LRRC4C: variants seen among roughly 807,000 people sequenced by gnomAD.
The protein encoded by LRRC4C is leucine rich repeat containing 4C, also known as leucine-rich repeat-containing protein 4C.
A neutral mutation model predicts 33.6 loss-of-function variants in LRRC4C; 5 were observed. The ratio of observed to expected loss-of-function variants is 0.15; its 90% CI spans 0.08 to 0.31. The LOEUF is 0.31. Ranked by LOEUF, LRRC4C falls within the 10% of genes least tolerant of loss-of-function variation. LRRC4C has a pLI of 1.00. For synonymous variants in LRRC4C, 329 were observed against 302.0 expected, an observed-to-expected ratio of 1.09 and a Z score of -0.93; for missense variants, 560 against 796.7, an observed-to-expected ratio of 0.70 and a Z score of 3.58.
intron 1 of LRRC4C, among the ~76,000 whole-genome samples, chr11:41,104,171 G>A (rs746630387): frequency 4.6e-5 from 7 of 151,640 alleles, no homozygotes; most frequent in Non-Finnish European, 7.4e-5. Context: ...ATGAAAGGTT[G>A]GCAACAGGAG....
intron 2 of LRRC4C, among the ~76,000 whole-genome samples, chr11:40,718,681 T>C (rs1946853383): frequency 6.6e-6 from 1 of 152,186 alleles, no homozygotes; most frequent in South Asian, 2.1e-4. Context: ...TTATAAAAGA[T>C]ACAGAAACTT....
chr11:40,215,317 A>G (rs1361910417), intron 5 of LRRC4C, among the ~76,000 whole-genome samples: 1 of 152,190 alleles, frequency 6.6e-6, no homozygotes, highest in Non-Finnish European at 1.5e-5. Flanking sequence ...TAGCAAAGGC[A>G]AAGTGCAAAG....
At position 40,881,182 on chromosome 11, in the gene LRRC4C, A is replaced by G. The variant is rs574722536; in HGVS notation, c.-407+52453T>C. 8.5e-5 allele frequency among the ~76,000 whole-genome samples: 13 copies of G among 152,214 alleles called. No individual in the cohort carries two copies. In the East Asian group the frequency reaches 2.3e-3, roughly 27 times the overall value. On this transcript the variant is annotated intron_variant, in intron 2 of 6. Coordinates refer to ENST00000528697, the MANE Select transcript of LRRC4C (RefSeq NM_001258419.2). ...TTATGGCATATGGTTTGGGGGAACT[A>G]AAAATAAATTTCCCCATCTCAGTGC...
At chr11:40,992,105 C>G (rs1383312279) in intron 1 of LRRC4C, among the ~76,000 whole-genome samples, 1 of 152,074 alleles carries the variant, frequency 6.6e-6, no homozygotes, top group African/African-American at 2.4e-5. Context: ...CACAATTAAC[C>G]GAAAAGGCAA....
intron 3 of LRRC4C, among the ~76,000 whole-genome samples, chr11:40,383,920 A>AATTATTATTATTATTATTATTATT (rs143241296): frequency 1.8e-4 from 25 of 135,400 alleles, no homozygotes; most frequent in African/African-American, 2.8e-4. Context: ...TTTTAATTCA[A>AATTATTATTATTATTATTATTATT]ATTATTATTA....
chr11:41,003,596 T>C (rs1854532765), intron 1 of LRRC4C, among the ~76,000 whole-genome samples: 1 of 152,046 alleles, frequency 6.6e-6, no homozygotes, highest in Admixed American at 6.6e-5. Context: ...CCAATTCCTC[T>C]GATATGCTTC....
chr11:40,417,494 G>A (rs10837405), intron 3 of LRRC4C, among the ~76,000 whole-genome samples: 52,814 of 151,544 alleles, frequency 0.35, 10,171 homozygotes, highest in East Asian at 0.5. Flanking sequence ...ACCTTGCCCA[G>A]CTAATTTTTT....
At chr11:40,567,948 A>C (rs557424268) in intron 3 of LRRC4C, among the ~76,000 whole-genome samples, 2 of 152,144 alleles carry the variant, frequency 1.3e-5, no homozygotes, top group East Asian at 3.9e-4. Flanking sequence ...TTAAAATACT[A>C]TCTCATCAGT....
chr11:40,368,558 TC>T (rs1404138600), intron 3 of LRRC4C, among the ~76,000 whole-genome samples: 2 of 152,184 alleles, frequency 1.3e-5, no homozygotes, highest in Non-Finnish European at 2.9e-5. Flanking sequence ...GGCTTCCAGT[TC>T]CTGACTTCAG....
chr11:41,156,503 T>C (rs1944239097), intron 1 of LRRC4C, among the ~76,000 whole-genome samples: 1 of 152,086 alleles, frequency 6.6e-6, no homozygotes, highest in East Asian at 1.9e-4. Flanking sequence ...CTTAACAATT[T>C]CTGATTGTTC....
intron 3 of LRRC4C, among the ~76,000 whole-genome samples, chr11:40,442,098 G>A (rs1951422024): frequency 7.3e-6 from 1 of 136,478 alleles, no homozygotes; most frequent in African/African-American, 2.8e-5. Context: ...AGGAGGTGGA[G>A]CTTGCAATGA....
intron 2 of LRRC4C, among the ~76,000 whole-genome samples, chr11:40,752,059 A>C (rs956973173): frequency 1.3e-5 from 2 of 152,124 alleles, no homozygotes; most frequent in Non-Finnish European, 2.9e-5. Flanking sequence ...TGCAGAAGAA[A>C]GAAACTGGGC....
chr11:40,750,283 G>A (rs1318652903), intron 2 of LRRC4C, among the ~76,000 whole-genome samples: 1 of 152,020 alleles, frequency 6.6e-6, no homozygotes, highest in Admixed American at 6.6e-5. Flanking sequence ...ACTATATAAT[G>A]AAAAACTAAT....
At chr11:41,117,896 C>T (rs1299376363) in intron 1 of LRRC4C, among the ~76,000 whole-genome samples, 1 of 152,028 alleles carries the variant, frequency 6.6e-6, no homozygotes, top group African/African-American at 2.4e-5. Context: ...TTAAATATTC[C>T]ATGCACCATA....
intron 2 of LRRC4C, among the ~76,000 whole-genome samples, chr11:40,851,575 C>T (rs1953499626): frequency 1.3e-5 from 2 of 152,044 alleles, no homozygotes; most frequent in South Asian, 4.1e-4. Flanking sequence ...GGAGCTGTTC[C>T]TATTTGGCCA....
At chr11:40,813,646 ATTAAC>A (rs1341218619) in intron 2 of LRRC4C, among the ~76,000 whole-genome samples, 1 of 152,122 alleles carries the variant, frequency 6.6e-6, no homozygotes, top group Non-Finnish European at 1.5e-5. Context: ...TTATTTCAGC[ATTAAC>A]TTAAGAGTCC....
At chr11:40,155,736 C>T (rs531881215) in intron 5 of LRRC4C, among the ~76,000 whole-genome samples, 1 of 152,144 alleles carries the variant, frequency 6.6e-6, no homozygotes, top group South Asian at 2.1e-4. Flanking sequence ...AAAAAAAAGT[C>T]CAAGACCAGA....
chr11:41,110,232 G>C (rs896638928), intron 1 of LRRC4C, among the ~76,000 whole-genome samples: 1 of 151,912 alleles, frequency 6.6e-6, no homozygotes, highest in Non-Finnish European at 1.5e-5. Flanking sequence ...AATTCCCATC[G>C]ATGATATAAA....
chr11:41,112,519 G>A (rs1165128984), intron 1 of LRRC4C, among the ~76,000 whole-genome samples: 1 of 152,032 alleles, frequency 6.6e-6, no homozygotes, highest in Non-Finnish European at 1.5e-5. Context: ...CAGGGGAGTT[G>A]AAGTAGTGGC....
Sources: gnomAD v4.1 joint callset for allele counts (sites outside exome capture counted in the v4.1 genomes callset) on GRCh38, gnomAD v4.1.1 for gene constraint, MANE v1.5 for transcripts, NCBI Gene and HGNC (gene_info 2026-07-23, HGNC 2026-07-21) for gene names.